Variants in MTRR observed in about 807,000 individuals in gnomAD.
The protein encoded by MTRR is 5-methyltetrahydrofolate-homocysteine methyltransferase reductase, also known as methionine synthase reductase.
Under a neutral mutation model 79.2 loss-of-function variants are expected in MTRR, and 63 were observed. The observed-to-expected ratio is 0.80, with a 90% CI of 0.65 to 0.98. The LOEUF (loss-of-function observed/expected upper bound fraction) is 0.98, where lower values mean the gene tolerates loss of function less well. Among genes scored for constraint, MTRR ranks in the 50% least tolerant of loss-of-function variants. The pLI is 0.00. For synonymous variants in MTRR, 355 were observed against 313.3 expected, an observed-to-expected ratio of 1.13 and a Z score of -1.41; for missense variants, 895 against 839.6, an observed-to-expected ratio of 1.07 and a Z score of -0.82.
intron 7 of MTRR, among the ~76,000 whole-genome samples, chr5:7,886,380 C>G (rs984928877): frequency 6.6e-6 from 1 of 151,714 alleles, no homozygotes; most frequent in African/African-American, 2.4e-5. Context: ...AAATAATTTT[C>G]CTTTCTTTTA....
intron 1 of MTRR, among the ~76,000 whole-genome samples, chr5:7,856,146 GGGAAAAGAAATGT>G (rs1306849609): frequency 1.3e-5 from 2 of 152,142 alleles, no homozygotes; most frequent in Non-Finnish European, 2.9e-5. Flanking sequence ...GTCCCTCAAA[GGGAAAAGAAATGT>G]GGAACGTTGT....
At chr5:7,855,878 A>C (rs1049480329) in intron 1 of MTRR, among the ~76,000 whole-genome samples, 1 of 152,148 alleles carries the variant, frequency 6.6e-6, no homozygotes, top group African/African-American at 2.4e-5. Flanking sequence ...GATGAAGGCA[A>C]AATTTCTTTT....
At chr5:7,898,676 A>T (rs1317917151) in intron 14 of MTRR, among the ~76,000 whole-genome samples, 1 of 152,116 alleles carries the variant, frequency 6.6e-6, no homozygotes, top group East Asian at 1.9e-4. Flanking sequence ...TTGGGGTATA[A>T]GTTCCCTGAG....
At chr5:7,894,081 C>T (rs1288670174) in intron 11 of MTRR, among the ~76,000 whole-genome samples, 1 of 152,166 alleles carries the variant, frequency 6.6e-6, no homozygotes, top group Admixed American at 6.5e-5. Context: ...ACATGGGTGC[C>T]TTTCACCTAC....
intron 10 of MTRR, 73 bp downstream of exon 10, chr5:7,891,487 G>C: frequency 5.5e-6 from 7 of 1,270,614 alleles, no homozygotes; most frequent in Non-Finnish European, 8.0e-6. Flanking sequence ...CAGATCATTA[G>C]AGTTTACTAA....
At chr5:7,886,534 A>G (rs1736461854) in intron 7 of MTRR, 81 bp from the exon 8 acceptor site, 3 of 1,072,162 alleles carry the variant, frequency 2.8e-6, no homozygotes, top group Non-Finnish European at 4.4e-6. Context: ...TACTACAGTA[A>G]TTGTGTTTTG....
At chr5:7,879,149 T>C (rs559081051) in intron 5 of MTRR, among the ~76,000 whole-genome samples, 8 of 152,320 alleles carry the variant, frequency 5.3e-5, no homozygotes, top group Admixed American at 6.5e-5. Flanking sequence ...CTATGGGCTA[T>C]TGTTTTTGCA....
At chr5:7,857,343 A>G (rs1325325847) in intron 1 of MTRR, among the ~76,000 whole-genome samples, 1 of 152,200 alleles carries the variant, frequency 6.6e-6, no homozygotes, top group Non-Finnish European at 1.5e-5. Context: ...AAAAGGACTT[A>G]GCTTTATGAT....
intron 2 of MTRR, among the ~76,000 whole-genome samples, chr5:7,862,518 AT>A (rs1746624878): frequency 1.3e-5 from 2 of 152,126 alleles, no homozygotes; most frequent in African/African-American, 4.8e-5. Context: ...TCCAGGTACT[AT>A]TTTATTTAGA....
chr5:7,898,007 A>G (rs1032183631), intron 14 of MTRR, among the ~76,000 whole-genome samples: 2 of 152,190 alleles, frequency 1.3e-5, no homozygotes, highest in African/African-American at 4.8e-5. Flanking sequence ...AGTTTCATGA[A>G]ACAAAGCAAC....
At chr5:7,899,406 G>T (rs924929312) in intron 14 of MTRR, among the ~76,000 whole-genome samples, 1 of 152,198 alleles carries the variant, frequency 6.6e-6, no homozygotes, top group Non-Finnish European at 1.5e-5. Context: ...CCCCCTTCTT[G>T]TAAATTGAAG....
chr5:7,888,831 GT>G (rs1488920619), intron 8 of MTRR, among the ~76,000 whole-genome samples: 2 of 152,162 alleles, frequency 1.3e-5, no homozygotes, highest in Admixed American at 6.5e-5. Flanking sequence ...CAAGTTTGAT[GT>G]TTTGTTCAGG....
Position 7,877,956 on chromosome 5 carries a change from G to T in MTRR, c.414G>T (p.Val138=). 6.2e-7 allele frequency: 1 copy of T among 1,613,034 alleles called. No individual in the cohort carries two copies. Among genetic ancestry groups the T allele is most frequent in the Non-Finnish European group, 8.5e-7 (1 of 1,179,936 alleles). The part of the protein sequence containing the change: ...HADDCVGLEL[V]VEPWIAGLWP... The stretch of plus-strand genomic sequence containing the variant: ...TTTTACTGTCCAGTTTAGAACTTGT[G>T]GTTGAGCCGTGGATTGCTGGACTCT... The change falls in exon 5 of 15, where the codon GTG becomes GTT. Residue 138 remains valine (V), a synonymous_variant. Transcript: ENST00000440940.
chr5:7,868,193 G>A, upstream of MTRR: 1 of 235,040 alleles, frequency 4.3e-6, no homozygotes, highest in Non-Finnish European at 7.0e-6. Context: ...CTACAAACGA[G>A]TATCTGGAAA....
At position 7,878,217 on chromosome 5, in the gene MTRR, G is replaced by A. The variant is rs1421110659; in HGVS notation, c.675G>A (p.Glu225=). 1 of 1,614,024 alleles carries A rather than the reference G, an allele frequency of 6.2e-7. No individual in the cohort carries two copies. Among genetic ancestry groups the A allele is most frequent in the South Asian group, 1.1e-5 (1 of 91,082 alleles). ...NQSNVVIEDF[E]SSLTRSVPPL... is the part of the protein sequence containing the mutation. ...CCAATGTTGTAATTGAAGACTTTGA[G>A]TCCTCACTTACCCGTTCGGTACCCC... is the stretch of plus-strand genomic sequence containing the variant. Residue 225 remains glutamate (E), a synonymous_variant, in exon 5 of 15, where the codon GAG becomes GAA. Transcript: ENST00000440940.
At chr5:7,896,615 C>T in intron 12 of MTRR, 1 of 556,542 alleles carries the variant, frequency 1.8e-6, no homozygotes, top group Admixed American at 3.1e-5. Context: ...CAGTGTGATA[C>T]TTTGAATTGT....
upstream of MTRR, chr5:7,868,263 G>A (rs1747202343): frequency 1.9e-6 from 1 of 538,764 alleles, no homozygotes; most frequent in Non-Finnish European, 3.2e-6. Flanking sequence ...CAAAGTCTCT[G>A]CATCCTAGAG....
chr5:7,862,872 T>G, intron 2 of MTRR: 1 of 1,614,028 alleles, frequency 6.2e-7, no homozygotes, highest in Non-Finnish European at 8.5e-7. Context: ...AATATAATCT[T>G]GCTCCTAAAA....
At chr5:7,862,822 C>A in intron 2 of MTRR, 1 of 1,610,006 alleles carries the variant, frequency 6.2e-7, no homozygotes, top group Non-Finnish European at 8.5e-7. Flanking sequence ...ATACTACTTA[C>A]CTATTGTATA....
Sources: allele counts gnomAD v4.1 joint callset (sites outside exome capture counted in the v4.1 genomes callset), GRCh38; gene constraint gnomAD v4.1.1; transcripts MANE v1.5; gene names NCBI Gene and HGNC (gene_info 2026-07-23, HGNC 2026-07-21).